The following SOS1 variants were observed in gnomAD, a reference collection of about 807,000 sequenced individuals.
SOS1 encodes son of sevenless homolog 1.
In SOS1, 25 loss-of-function variants were observed where a neutral mutation model predicts 157.6. The ratio of observed to expected loss-of-function variants is 0.16; its 90% CI spans 0.12 to 0.22. SOS1 has a LOEUF of 0.22. SOS1 is among the 10% of genes least tolerant of loss of function. SOS1 has a pLI of 1.00. For missense variants in SOS1, 1,237 were observed against 1,599.1 expected (o/e 0.77, Z 3.86); for synonymous variants, 528 against 534.0 (o/e 0.99, Z 0.16).
chr2:39,093,510 T>C (rs906119362), intron 1 of SOS1, among the ~76,000 whole-genome samples: 2 of 152,212 alleles, frequency 1.3e-5, no homozygotes, highest in Non-Finnish European at 2.9e-5. Context: ...GAGATAATTT[T>C]CACACTCAAC....
intron 1 of SOS1, among the ~76,000 whole-genome samples, chr2:39,086,396 T>G (rs1167234816): frequency 2.6e-5 from 4 of 152,200 alleles, no homozygotes; most frequent in Non-Finnish European, 5.9e-5. Context: ...GAGCAGATGT[T>G]TTCATAAGTG....
intron 20 of SOS1, among the ~76,000 whole-genome samples, chr2:38,991,038 C>G (rs920953300): frequency 6.6e-6 from 1 of 151,948 alleles, no homozygotes; most frequent in African/African-American, 2.4e-5. Context: ...ACATTAGAAT[C>G]CTATGGGAAG....
chr2:39,084,573 T>C (rs1005163159), intron 1 of SOS1, among the ~76,000 whole-genome samples: 1 of 152,140 alleles, frequency 6.6e-6, no homozygotes, highest in African/African-American at 2.4e-5. Context: ...AAATTACTCA[T>C]ATTTGTGCAC....
At chr2:39,080,612 A>G (rs1478744579) in intron 1 of SOS1, among the ~76,000 whole-genome samples, 5 of 152,238 alleles carry the variant, frequency 3.3e-5, no homozygotes, top group African/African-American at 9.6e-5. Flanking sequence ...CATAAACAGT[A>G]TATCACTTTT....
At chr2:39,099,694 C>G (rs297153) in intron 1 of SOS1, among the ~76,000 whole-genome samples, 142,130 of 152,280 alleles carry the variant, frequency 0.93, 66,445 homozygotes, top group African/African-American at 0.97. Flanking sequence ...TCAACACAAT[C>G]AAAAGGCACC....
At chr2:39,022,412 A>C (rs1233813794) in intron 10 of SOS1, 158 bp downstream of exon 10, 1 of 651,436 alleles carries the variant, frequency 1.5e-6, no homozygotes, top group East Asian at 2.7e-5. Context: ...AAAAAGTAAA[A>C]CATTCCAAAG....
intron 1 of SOS1, among the ~76,000 whole-genome samples, chr2:39,068,761 T>C (rs917194005): frequency 6.6e-6 from 1 of 152,164 alleles, no homozygotes; most frequent in Admixed American, 6.5e-5. Context: ...ACCATTTCTT[T>C]AGTTGAATCT....
At chr2:39,096,075 G>C (rs1672756092) in intron 1 of SOS1, among the ~76,000 whole-genome samples, 1 of 152,080 alleles carries the variant, frequency 6.6e-6, no homozygotes, top group Non-Finnish European at 1.5e-5. Context: ...CTAAGGTGAA[G>C]GGCTAAGGAA....
chr2:39,017,007 G>C, intron 10 of SOS1, among the ~76,000 whole-genome samples: 1 of 152,108 alleles, frequency 6.6e-6, no homozygotes, highest in East Asian at 1.9e-4. Flanking sequence ...GCCATGATGT[G>C]TCTCAGTGCC....
At chr2:39,077,362 T>G (rs1558502903) in intron 1 of SOS1, among the ~76,000 whole-genome samples, 1 of 151,954 alleles carries the variant, frequency 6.6e-6, no homozygotes, top group Non-Finnish European at 1.5e-5. Context: ...GAAGAAAAAT[T>G]TTTAAACTTT....
chr2:39,109,232 A>C (rs1442984445), intron 1 of SOS1, among the ~76,000 whole-genome samples: 1 of 152,150 alleles, frequency 6.6e-6, no homozygotes, highest in Non-Finnish European at 1.5e-5. Flanking sequence ...AATAAAATAA[A>C]TTAAATGTCA....
Position 39,058,816 on chromosome 2 carries a change from G to A in SOS1, c.214-12C>T, listed in dbSNP as rs2124610999. ...TTTTGAACACGTTCCTTGGAAAATAGGAAAATAACAACTAAGCAAAAAATA... is the reference window on the plus strand; with the variant it reads ...TTTTGAACACGTTCCTTGGAAAATAAGAAAATAACAACTAAGCAAAAAATA... On this transcript the variant is annotated splice_polypyrimidine_tract_variant and intron_variant, in intron 2 of 22. Coordinates refer to ENST00000402219, the MANE Select transcript of SOS1 (RefSeq NM_005633.4). 3 of 1,608,450 alleles carry A rather than the reference G, an allele frequency of 1.9e-6. No homozygotes were observed. The highest frequency in any genetic ancestry group is 1.7e-6 in the Non-Finnish European group (2 of 1,175,838).
At chr2:39,088,767 A>G (rs1672472667) in intron 1 of SOS1, among the ~76,000 whole-genome samples, 1 of 152,156 alleles carries the variant, frequency 6.6e-6, no homozygotes, top group Non-Finnish European at 1.5e-5. Flanking sequence ...CTATTGTGAA[A>G]AGTGCTGCCT....
intron 8 of SOS1, among the ~76,000 whole-genome samples, chr2:39,030,877 T>A (rs1425276792): frequency 1.3e-5 from 2 of 151,872 alleles, no homozygotes; most frequent in East Asian, 3.9e-4. Flanking sequence ...AAAGCGAGAT[T>A]TGGATGCAGA....
At chr2:39,019,032 CAAAAT>C (rs1669713834) in intron 10 of SOS1, among the ~76,000 whole-genome samples, 1 of 151,656 alleles carries the variant, frequency 6.6e-6, no homozygotes, top group African/African-American at 2.4e-5. Flanking sequence ...GACACAAACT[CAAAAT>C]AAATCTAATT....
chr2:39,029,774 G>A (rs886125970), intron 8 of SOS1, among the ~76,000 whole-genome samples: 4 of 152,164 alleles, frequency 2.6e-5, no homozygotes, highest in African/African-American at 7.2e-5. Flanking sequence ...AACATTTGTG[G>A]TCAGCTCCAA....
intron 5 of SOS1, among the ~76,000 whole-genome samples, 167 bp downstream of exon 5, chr2:39,054,447 T>C (rs977909504): frequency 3.3e-5 from 5 of 152,222 alleles, no homozygotes; most frequent in African/African-American, 1.2e-4. Flanking sequence ...TAATTTCTAA[T>C]GTTAAATCTC....
chr2:39,054,972 C>G (rs1671157218), intron 4 of SOS1, 149 bp from the exon 5 acceptor site: 1 of 612,434 alleles, frequency 1.6e-6, no homozygotes, highest in Non-Finnish European at 2.9e-6. Flanking sequence ...TGCCAGCATC[C>G]CTCCACAGCT....
In SOS1 at chr2:39,040,052, C is replaced by T. The variant is rs78614260; in HGVS notation, c.865-4552G>A. 1.5e-3 allele frequency among the ~76,000 whole-genome samples: 225 copies of T among 152,096 alleles called. 7 individuals carry two copies. The East Asian group carries it at 0.02, about 14-fold the overall frequency. On this transcript the variant is annotated intron_variant, in intron 6 of 22. Transcript: ENST00000402219. ...TTTGAGATGGAGTCTTGCTCTGTCG[C>T]CCAGGCTGGAGTGCAGTGGCGTGAC... is the stretch of plus-strand genomic sequence containing the variant.
Sources: gnomAD v4.1 joint callset for allele counts (sites outside exome capture counted in the v4.1 genomes callset) on GRCh38, gnomAD v4.1.1 for gene constraint, MANE v1.5 for transcripts, NCBI Gene and HGNC (gene_info 2026-07-23, HGNC 2026-07-21) for gene names.